Variants in ANKRD55 observed in about 807,000 individuals in gnomAD.
ANKRD55 encodes ankyrin repeat domain-containing protein 55.
A neutral mutation model predicts 60.6 loss-of-function variants in ANKRD55; 41 were observed. The ratio of observed to expected loss-of-function variants is 0.68; its 90% CI spans 0.53 to 0.88. The LOEUF (loss-of-function observed/expected upper bound fraction) is 0.88, where lower values mean the gene tolerates loss of function less well. Among genes scored for constraint, ANKRD55 ranks in the 40% least tolerant of loss-of-function variants. The pLI is 0.00. For synonymous variants in ANKRD55, 264 were observed against 290.3 expected (o/e 0.91, Z 0.92); for missense variants, 732 against 767.6 (o/e 0.95, Z 0.55).
intron 2 of ANKRD55, chr5:56,192,877 A>C (rs1447795617): frequency 1.5e-6 from 1 of 651,478 alleles, no homozygotes; most frequent in Non-Finnish European, 2.7e-6. Context: ...TCAAAGCTAC[A>C]TGGGCCCAGC....
chr5:56,152,438 C>G (rs906971930), intron 6 of ANKRD55, among the ~76,000 whole-genome samples: 1 of 152,076 alleles, frequency 6.6e-6, no homozygotes, highest in Admixed American at 6.5e-5. Flanking sequence ...ATATATATAT[C>G]CTAAATGCTG....
At chr5:56,123,279 G>T (rs79330186) in intron 8 of ANKRD55, among the ~76,000 whole-genome samples, 2 of 152,070 alleles carry the variant, frequency 1.3e-5, no homozygotes, top group South Asian at 4.1e-4. Flanking sequence ...GCTGGGTTGG[G>T]TATATCTGTG....
Position 56,191,285 on chromosome 5 carries a change from T to C in ANKRD55, c.59-7651A>G, listed in dbSNP as rs567269098. 3.3e-5 allele frequency among the ~76,000 whole-genome samples: 5 copies of C among 152,346 alleles called. No individual in the cohort carries two copies. The South Asian group carries it at 1.0e-3, about 32-fold the overall frequency. The stretch of plus-strand genomic sequence containing the variant: ...ACAGAGATTATATTGAATCTGTAGA[T>C]TGCTTTGTGTAGTACTGGCATCTTA... On this transcript the variant is annotated intron_variant, in intron 2 of 11. Transcript: ENST00000341048.
At chr5:56,215,699 CTG>C (rs931882919) in intron 2 of ANKRD55, among the ~76,000 whole-genome samples, 7 of 152,170 alleles carry the variant, frequency 4.6e-5, no homozygotes, top group Non-Finnish European at 8.8e-5. Flanking sequence ...GTCCTTTGTC[CTG>C]TGTGTCCTTG....
At chr5:56,180,237 G>A (rs1023132398) in intron 3 of ANKRD55, among the ~76,000 whole-genome samples, 1 of 152,108 alleles carries the variant, frequency 6.6e-6, no homozygotes, top group African/African-American at 2.4e-5. Context: ...ATCTCCCAAA[G>A]GTTCCACCTC....
intron 8 of ANKRD55, 151 bp downstream of exon 8, chr5:56,126,771 A>G (rs1377216831): frequency 1.2e-6 from 1 of 834,460 alleles, no homozygotes; most frequent in African/African-American, 1.7e-5. Flanking sequence ...TCTCACTAAA[A>G]TAGAGCAATT....
rs1385969788 is a variant in ANKRD55 at position 56,111,431 on chromosome 5, G to A, written c.1317C>T (p.Pro439=). ...TTAGGAAGTTATTGCCCAGGGTGAT[G>A]GGTGGGAGACTCTGCGTTCTGATTG... The part of the protein sequence containing the change: ...LPPIRTQSLP[P]ITLGNNFLTA... Residue 439 remains proline, a synonymous_variant, in exon 10 of 12, where the codon CCC becomes CCT. Transcript: ENST00000341048. The A allele has an allele frequency of 6.2e-7, 1 of 1,614,068 alleles. No individual in the cohort carries two copies. The highest frequency in any genetic ancestry group is 8.5e-7 in the Non-Finnish European group (1 of 1,180,052).
At chr5:56,216,333 C>T (rs1051038091) in intron 2 of ANKRD55, among the ~76,000 whole-genome samples, 21 of 152,138 alleles carry the variant, frequency 1.4e-4, no homozygotes, top group Non-Finnish European at 2.4e-4. Flanking sequence ...CTCTCCCTCT[C>T]CTCAGGCCTC....
chr5:56,189,792 AC>A (rs1211216170), intron 2 of ANKRD55, among the ~76,000 whole-genome samples: 4 of 152,156 alleles, frequency 2.6e-5, no homozygotes, highest in African/African-American at 9.7e-5. Context: ...ACATGGGTCT[AC>A]AAATCTTTTT....
chr5:56,148,235 A>G (rs937318697), intron 6 of ANKRD55, among the ~76,000 whole-genome samples: 1 of 152,186 alleles, frequency 6.6e-6, no homozygotes, highest in African/African-American at 2.4e-5. Context: ...GACCTTTCCA[A>G]CCAGTTACTT....
At chr5:56,211,161 A>G (rs960793721) in intron 2 of ANKRD55, among the ~76,000 whole-genome samples, 1 of 152,184 alleles carries the variant, frequency 6.6e-6, no homozygotes, top group Non-Finnish European at 1.5e-5. Context: ...GAAGGAATTA[A>G]AAGACTCAGA....
intron 7 of ANKRD55, among the ~76,000 whole-genome samples, chr5:56,139,230 C>A (rs1285145919): frequency 2.0e-5 from 3 of 152,084 alleles, no homozygotes; most frequent in Non-Finnish European, 2.9e-5. Context: ...AAGCCATTAA[C>A]CCCATTGGCC....
intron 6 of ANKRD55, among the ~76,000 whole-genome samples, chr5:56,155,219 T>C (rs1286701243): frequency 2.4e-5 from 1 of 41,960 alleles, no homozygotes; most frequent in Non-Finnish European, 6.4e-5. Flanking sequence ...TGAGACTGTC[T>C]TAAAAAAAAA....
intron 7 of ANKRD55, among the ~76,000 whole-genome samples, chr5:56,131,189 C>T (rs1463759464): frequency 6.6e-6 from 1 of 151,946 alleles, no homozygotes; most frequent in Non-Finnish European, 1.5e-5. Context: ...ACAAAAAACC[C>T]TATGCCTAGG....
intron 2 of ANKRD55, among the ~76,000 whole-genome samples, chr5:56,189,149 T>C (rs2111840299): frequency 6.6e-6 from 1 of 151,856 alleles, no homozygotes; most frequent in Non-Finnish European, 1.5e-5. Flanking sequence ...ATTCCAGGGG[T>C]CATGATAGTA....
chr5:56,143,543 T>C (rs145804051), intron 7 of ANKRD55, among the ~76,000 whole-genome samples: 36 of 152,296 alleles, frequency 2.4e-4, no homozygotes, highest in African/African-American at 6.7e-4. Flanking sequence ...AGTAAGCCGG[T>C]AGCAAACATT....
chr5:56,135,891 A>G (rs892344217), intron 7 of ANKRD55, among the ~76,000 whole-genome samples: 2 of 152,206 alleles, frequency 1.3e-5, no homozygotes, highest in African/African-American at 4.8e-5. Flanking sequence ...ACAAAAGTTG[A>G]TCATTTTTCT....
chr5:56,176,931 A>G (rs563299271), intron 3 of ANKRD55, among the ~76,000 whole-genome samples: 2 of 152,334 alleles, frequency 1.3e-5, no homozygotes, highest in South Asian at 2.1e-4. Flanking sequence ...CTTCAGGTGA[A>G]GAACTCAAAC....
intron 5 of ANKRD55, among the ~76,000 whole-genome samples, chr5:56,163,661 C>T (rs1425192243): frequency 6.6e-6 from 1 of 152,206 alleles, no homozygotes; most frequent in African/African-American, 2.4e-5. Flanking sequence ...CAGCCAGTGA[C>T]CTTGGGCGAG....
Sources: gnomAD v4.1 joint callset for allele counts (sites outside exome capture counted in the v4.1 genomes callset) on GRCh38, gnomAD v4.1.1 for gene constraint, MANE v1.5 for transcripts, NCBI Gene and HGNC (gene_info 2026-07-23, HGNC 2026-07-21) for gene names.